PEX19: variants seen among roughly 807,000 people sequenced by gnomAD.
PEX19 encodes peroxisomal biogenesis factor 19.
A neutral mutation model predicts 36.3 loss-of-function variants in PEX19; 29 were observed. The observed-to-expected ratio is 0.80, with a 90% CI of 0.60 to 1.09. The LOEUF (loss-of-function observed/expected upper bound fraction) is 1.09, where lower values mean the gene tolerates loss of function less well. Ranked by LOEUF, PEX19 falls within the 50% of genes least tolerant of loss-of-function variation. The pLI, the probability that PEX19 is intolerant of heterozygous loss-of-function variation, is 0.00. For missense variants in PEX19, 396 were observed against 368.1 expected, an observed-to-expected ratio of 1.08 and a Z score of -0.62; for synonymous variants, 141 against 135.2, an observed-to-expected ratio of 1.04 and a Z score of -0.30.
At chr1:160,282,760 A>G (rs930077821) in intron 3 of PEX19, 184 bp downstream of exon 3, 16 of 722,336 alleles carry the variant, frequency 2.2e-5, no homozygotes, top group Non-Finnish European at 3.4e-5. Context: ...GTTTTCTATT[A>G]CTTTCCAACC....
chr1:160,280,035 G>A, intron 6 of PEX19, 35 bp downstream of exon 6: 1 of 1,593,338 alleles, frequency 6.3e-7, no homozygotes, highest in Non-Finnish European at 8.6e-7. Context: ...CACCTAAGTG[G>A]ACAGCACCAG....
chr1:160,284,157 A>G, intron 1 of PEX19: 3 of 471,714 alleles, frequency 6.4e-6, no homozygotes. Context: ...GCATTAAACT[A>G]TCTTCTCTTA....
chr1:160,284,434 G>C (rs1028322817), intron 1 of PEX19, among the ~76,000 whole-genome samples: 5 of 152,192 alleles, frequency 3.3e-5, no homozygotes, highest in Admixed American at 6.5e-5. Context: ...GGGGAGTGGA[G>C]AGTAATGCTA....
rs1037390506 is a variant in PEX19, at chr1:160,277,268, A to G, written c.*2283T>C. ...TGAGAGTGTTTAAAAACTTTTTAGC[A>G]TTTCAATGTTGCTGTGATATCCAAG... On this transcript the variant is annotated 3_prime_UTR_variant, in exon 8 of 8. Transcript: ENST00000368072. 4.0e-5 allele frequency: 18 copies of G among 455,502 alleles called. No individual in the cohort carries two copies. Among genetic ancestry groups the G allele is most frequent in the Non-Finnish European group, 2.2e-5 (5 of 226,750 alleles). 28.2% of individuals were successfully genotyped at this position (455,502 alleles called of 1,614,324 possible).
intron 1 of PEX19, among the ~76,000 whole-genome samples, 186 bp downstream of exon 1, chr1:160,284,869 C>T (rs1344800026): frequency 6.6e-6 from 1 of 152,214 alleles, no homozygotes; most frequent in East Asian, 1.9e-4. Flanking sequence ...AGCTCCCCAG[C>T]TCCAGTCGCC....
chr1:160,279,264 G>A lies in PEX19; in HGVS notation c.*287C>T. 1.7e-6 allele frequency: 1 copy of A among 598,298 alleles called. No homozygotes were observed. The highest frequency in any genetic ancestry group is 3.1e-6 in the Non-Finnish European group (1 of 320,548). 37.1% of individuals were successfully genotyped at this position (598,298 alleles called of 1,614,324 possible). On this transcript the variant is annotated 3_prime_UTR_variant, in exon 8 of 8. Coordinates refer to ENST00000368072, the MANE Select transcript of PEX19 (RefSeq NM_002857.4). ...ATTATTTTGAGAAAGGAAAGAAAGT[G>A]CATGCCCCAAAAGGGATGCCTTCCT...
chr1:160,279,688 G>A, intron 7 of PEX19, 54 bp from the exon 8 acceptor site: 1 of 1,550,190 alleles, frequency 6.5e-7, no homozygotes, highest in Non-Finnish European at 8.9e-7. Flanking sequence ...GGACAGACGT[G>A]AAGATCCATC....
Position 160,278,295 on chromosome 1 carries a change from G to A in PEX19, c.*1256C>T, listed in dbSNP as rs1657621949. ...TACCACTTGAAGGGCTTTCTACATT[G>A]AAATACTCAAGGGAACATGAGGAAA... On this transcript the variant is annotated 3_prime_UTR_variant, in exon 8 of 8. Transcript: ENST00000368072. 1.4e-6 allele frequency: 1 copy of A among 695,526 alleles called. No individual in the cohort carries two copies. Among genetic ancestry groups the A allele is most frequent in the Admixed American group, 2.0e-5 (1 of 49,878 alleles). The allele number at this position is 695,526 out of a possible 1,614,324, so 43.1% of individuals were successfully genotyped here.
Position 160,276,828 on chromosome 1 carries a change from T to C in PEX19, c.*2723A>G. On this transcript the variant is annotated 3_prime_UTR_variant, in exon 8 of 8. Transcript: ENST00000368072. Reference sequence around the variant, plus strand: ...AATGTCCCAATTATCAAAAAGTCTGTATTAATTCAATTCTTAATTCATGAA... The same window carrying C: ...AATGTCCCAATTATCAAAAAGTCTGCATTAATTCAATTCTTAATTCATGAA... 1 of 388,006 alleles carries C rather than the reference T, an allele frequency of 2.6e-6. No homozygotes were observed. Among genetic ancestry groups the C allele is most frequent in the Non-Finnish European group, 5.0e-6 (1 of 198,842 alleles). 24.0% of individuals were successfully genotyped at this position (388,006 alleles called of 1,614,324 possible).
intron 1 of PEX19, chr1:160,284,182 G>A (rs779004276): frequency 8.5e-6 from 4 of 471,570 alleles, no homozygotes; most frequent in Non-Finnish European, 1.8e-5. Context: ...CCAGTTTAGT[G>A]CTCCCCAACA....
In PEX19 at chr1:160,283,455, T is replaced by A. The variant is rs535644087; in HGVS notation, c.180+75A>T. 11 of 1,086,454 alleles carry A rather than the reference T, an allele frequency of 1.0e-5. No homozygotes were observed. In the African/African-American group the frequency reaches 1.6e-4, roughly 15 times the overall value. 67.3% of individuals were successfully genotyped at this position (1,086,454 alleles called of 1,614,324 possible). A position where few individuals can be genotyped will look rare whatever the true frequency, so the allele number is the denominator to read the frequency against. On this transcript the variant is annotated intron_variant, in intron 2 of 7. Coordinates refer to ENST00000368072, the MANE Select transcript of PEX19 (RefSeq NM_002857.4). Reference sequence around the variant, plus strand: ...CCCTCCCACATTCCCCTCTGGCCCATAGGGGCCTGCCCAACCTCTGCTCAG... The same window carrying A: ...CCCTCCCACATTCCCCTCTGGCCCAAAGGGGCCTGCCCAACCTCTGCTCAG...
chr1:160,278,136 T>C lies in PEX19; in HGVS notation c.*1415A>G. On this transcript the variant is annotated 3_prime_UTR_variant, in exon 8 of 8. Transcript: ENST00000368072. ...GAGCTGACCAGAGTACCTACCAACA[T>C]ATGTCAGCCAAGGTCCGTAGACCCA... 1 of 702,366 alleles carries C rather than the reference T, an allele frequency of 1.4e-6. No homozygotes were observed. Among genetic ancestry groups the C allele is most frequent in the South Asian group, 1.5e-5 (1 of 67,596 alleles). The allele number at this position is 702,366 out of a possible 1,614,324, so 43.5% of individuals were successfully genotyped here. A position where few individuals can be genotyped will look rare whatever the true frequency, so the allele number is the denominator to read the frequency against.
At position 160,277,643 on chromosome 1, in the gene PEX19, G is replaced by A. The variant is rs1447566446; in HGVS notation, c.*1908C>T. 4.4e-6 allele frequency: 2 copies of A among 454,306 alleles called. No homozygotes were observed. The highest frequency in any genetic ancestry group is 4.0e-5 in the African/African-American group (2 of 50,022). 28.1% of individuals were successfully genotyped at this position (454,306 alleles called of 1,614,324 possible). A position where few individuals can be genotyped will look rare whatever the true frequency, so the allele number is the denominator to read the frequency against. On this transcript the variant is annotated 3_prime_UTR_variant, in exon 8 of 8. Coordinates refer to ENST00000368072, the MANE Select transcript of PEX19 (RefSeq NM_002857.4). ...GACTAGGGCATCTATTTAGATTCCT[G>A]GAGTAAGCCCTGGCTAGGCTAGCAG... is the stretch of plus-strand genomic sequence containing the variant.
At position 160,282,474 on chromosome 1, in the gene PEX19, G is replaced by A; in HGVS notation, c.375C>T (p.Phe125=). ...VGSDMTSQQE[F]TSCLKETLSG... ...TTAGTGTTTCCTTTAGGCAAGAAGT[G>A]AATTCTTGTTGGGAGGTCATATCAC... Residue 125 remains phenylalanine (F), a synonymous_variant, in exon 4 of 8, where the codon TTC becomes TTT. Coordinates refer to ENST00000368072, the MANE Select transcript of PEX19 (RefSeq NM_002857.4). 1 of 1,614,038 alleles carries A rather than the reference G, an allele frequency of 6.2e-7. No homozygotes were observed. The highest frequency in any genetic ancestry group is 1.1e-5 in the South Asian group (1 of 91,076).
At position 160,278,953 on chromosome 1, in the gene PEX19, G is replaced by C. The variant is rs751326658; in HGVS notation, c.*598C>G. On this transcript the variant is annotated 3_prime_UTR_variant, in exon 8 of 8. Coordinates refer to ENST00000368072, the MANE Select transcript of PEX19 (RefSeq NM_002857.4). The stretch of plus-strand genomic sequence containing the variant: ...GAGGTGAGGGCTCAGCACCTAGAGA[G>C]AGGAGAATCCTAAGGCCTCTCTTTC... 4.2e-5 allele frequency: 19 copies of C among 453,988 alleles called. No individual in the cohort carries two copies. The highest frequency in any genetic ancestry group is 7.9e-5 in the Non-Finnish European group (18 of 226,784). The allele number at this position is 453,988 out of a possible 1,614,324, so 28.1% of individuals were successfully genotyped here. A position where few individuals can be genotyped will look rare whatever the true frequency, so the allele number is the denominator to read the frequency against.
chr1:160,281,801 A>G (rs1464892809), intron 5 of PEX19, among the ~76,000 whole-genome samples: 3 of 152,158 alleles, frequency 2.0e-5, no homozygotes, highest in Non-Finnish European at 4.4e-5. Context: ...GAACTGAAGG[A>G]TTTCCTCTTA....
intron 5 of PEX19, among the ~76,000 whole-genome samples, chr1:160,280,577 T>C (rs1657734016): frequency 6.6e-6 from 1 of 151,794 alleles, no homozygotes; most frequent in Non-Finnish European, 1.5e-5. Flanking sequence ...AGTGTGATGG[T>C]GTGATCACCA....
At chr1:160,279,913 G>C in intron 6 of PEX19, 68 bp from the exon 7 acceptor site, 1 of 1,428,682 alleles carries the variant, frequency 7.0e-7, no homozygotes, top group East Asian at 2.3e-5. Flanking sequence ...ATCCAGAAGA[G>C]GAATCTAATG....
chr1:160,280,009 T>C (rs1032393920), intron 6 of PEX19, 61 bp downstream of exon 6: 3 of 1,520,670 alleles, frequency 2.0e-6, no homozygotes, highest in African/African-American at 2.7e-5. Context: ...CCTTCCCAGA[T>C]ACTTCCTTCA....
Sources: gnomAD v4.1 joint callset for allele counts (sites outside exome capture counted in the v4.1 genomes callset) on GRCh38, gnomAD v4.1.1 for gene constraint, MANE v1.5 for transcripts, NCBI Gene and HGNC (gene_info 2026-07-23, HGNC 2026-07-21) for gene names.